NTM: variants seen among roughly 807,000 people sequenced by gnomAD.
NTM encodes neurotrimin.
Under a neutral mutation model 42.1 loss-of-function variants are expected in NTM, and 13 were observed. The observed-to-expected ratio is 0.31, with a 90% CI of 0.20 to 0.49. The LOEUF is 0.49. Ranked by LOEUF, NTM falls within the 20% of genes least tolerant of loss-of-function variation. The probability of loss-of-function intolerance (pLI) is 0.99; values close to 1 mark genes in which losing one functional copy is unlikely to be tolerated. For missense variants in NTM, 373 were observed against 452.8 expected, an observed-to-expected ratio of 0.82 and a Z score of 1.60; for synonymous variants, 187 against 179.2, an observed-to-expected ratio of 1.04 and a Z score of -0.35.
At chr11:132,314,485 C>G in intron 6 of NTM, 67 bp from the exon 7 acceptor site, 5 of 1,513,558 alleles carry the variant, frequency 3.3e-6, no homozygotes, top group South Asian at 1.4e-5. Context: ...ATCCCTGGGC[C>G]TATCTTCTTC....
At chr11:131,778,604 A>G (rs1348372432) in intron 1 of NTM, among the ~76,000 whole-genome samples, 1 of 152,204 alleles carries the variant, frequency 6.6e-6, no homozygotes, top group African/African-American at 2.4e-5. Flanking sequence ...TTTCATTTAT[A>G]AAATGAAGAA....
chr11:131,523,508 G>A (rs1031122597), intron 1 of NTM, among the ~76,000 whole-genome samples: 7 of 152,160 alleles, frequency 4.6e-5, no homozygotes. Context: ...AAAAGGAAGG[G>A]TCAGGCGCAG....
chr11:132,318,100 G>A (rs1430517099), intron 7 of NTM, among the ~76,000 whole-genome samples: 1 of 152,158 alleles, frequency 6.6e-6, no homozygotes, highest in East Asian at 1.9e-4. Context: ...CAGATATTCT[G>A]TCAAACGCAT....
intron 1 of NTM, among the ~76,000 whole-genome samples, chr11:131,874,060 T>TA (rs2048247485): frequency 9.9e-6 from 1 of 101,282 alleles, no homozygotes; most frequent in South Asian, 2.7e-4. Context: ...TATATATATA[T>TA]ATATATATCA....
At chr11:132,102,830 T>A (rs1346985990) in intron 2 of NTM, among the ~76,000 whole-genome samples, 3 of 152,148 alleles carry the variant, frequency 2.0e-5, no homozygotes, top group Non-Finnish European at 4.4e-5. Context: ...TTGCTCCCAA[T>A]CTGCAAGCTG....
intron 2 of NTM, among the ~76,000 whole-genome samples, chr11:131,957,755 C>T (rs1056196535): frequency 5.9e-5 from 9 of 152,258 alleles, no homozygotes; most frequent in Admixed American, 1.3e-4. Flanking sequence ...ATCTTATCCT[C>T]GTTTCCTGAT....
At chr11:131,749,772 C>A (rs898751223) in intron 1 of NTM, among the ~76,000 whole-genome samples, 8 of 152,002 alleles carry the variant, frequency 5.3e-5, no homozygotes, top group Admixed American at 1.3e-4. Flanking sequence ...ATAATTTTTT[C>A]TATTTTTAGT....
rs563872984 is a variant in NTM at position 132,217,289 on chromosome 11, G to A, written c.526+5142G>A. 1.3e-4 allele frequency among the ~76,000 whole-genome samples: 19 copies of A among 151,784 alleles called. No homozygotes were observed. In the South Asian group the frequency reaches 3.3e-3, roughly 27 times the overall value. ...AAAAAGGAAAAGAAAGAAATCAATC[G>A]GTAGAAAAAAGAAAAGTACTTTAAA... On this transcript the variant is annotated intron_variant, in intron 4 of 8. Transcript: ENST00000683400.
At chr11:131,942,783 T>A (rs1361980614) in intron 2 of NTM, among the ~76,000 whole-genome samples, 2 of 151,804 alleles carry the variant, frequency 1.3e-5, no homozygotes, top group South Asian at 4.2e-4. Context: ...CCATCTCTAC[T>A]AAAAACGCAA....
intron 1 of NTM, among the ~76,000 whole-genome samples, chr11:131,401,753 A>C (rs1325371864): frequency 8.0e-6 from 1 of 125,420 alleles, no homozygotes; most frequent in African/African-American, 3.0e-5. Context: ...AAACTTCTTC[A>C]TTACCCCATA....
intron 1 of NTM, among the ~76,000 whole-genome samples, chr11:131,444,203 C>CAAAAAAA (rs71475757): frequency 3.6e-4 from 18 of 49,510 alleles, no homozygotes; most frequent in East Asian, 1.7e-3. Flanking sequence ...AGGTTAGAAC[C>CAAAAAAA]AAAAAAAAAA....
chr11:132,141,254 T>C (rs2069076478), intron 2 of NTM, among the ~76,000 whole-genome samples: 1 of 151,884 alleles, frequency 6.6e-6, no homozygotes, highest in Non-Finnish European at 1.5e-5. Flanking sequence ...TCTCTCTCCC[T>C]CTCTCTCCCC....
intron 1 of NTM, among the ~76,000 whole-genome samples, chr11:131,770,222 A>G (rs147125781): frequency 2.4e-3 from 363 of 152,382 alleles, no homozygotes; most frequent in Middle Eastern, 0.014. Flanking sequence ...GTCCCCTGAC[A>G]GAGGAGACCA....
intron 1 of NTM, among the ~76,000 whole-genome samples, chr11:131,631,581 G>C (rs1314953550): frequency 6.6e-6 from 1 of 152,200 alleles, no homozygotes; most frequent in Non-Finnish European, 1.5e-5. Context: ...ATTAAGCACT[G>C]TAGTACTTCC....
At chr11:132,207,724 C>T (rs1301371598) in intron 3 of NTM, among the ~76,000 whole-genome samples, 1 of 152,156 alleles carries the variant, frequency 6.6e-6, no homozygotes, top group Non-Finnish European at 1.5e-5. Context: ...TATGTTGTCT[C>T]CTTTGCCTAG....
chr11:132,055,085 T>A (rs2135959427), intron 2 of NTM, among the ~76,000 whole-genome samples: 1 of 152,352 alleles, frequency 6.6e-6, no homozygotes, highest in Admixed American at 6.5e-5. Flanking sequence ...TACATGGCAT[T>A]GGAATGGAGT....
chr11:131,806,852 C>T (rs1233177843), intron 1 of NTM, among the ~76,000 whole-genome samples: 1 of 152,190 alleles, frequency 6.6e-6, no homozygotes, highest in African/African-American at 2.4e-5. Context: ...ATGAGCTATA[C>T]AGTCTCTGCT....
intron 1 of NTM, among the ~76,000 whole-genome samples, chr11:131,874,033 A>T (rs1156760961): frequency 2.0e-4 from 3 of 14,934 alleles, no homozygotes; most frequent in African/African-American, 1.7e-3. Context: ...ATAATATAAT[A>T]TATATATATA....
At chr11:132,127,453 G>T (rs1368523597) in intron 2 of NTM, among the ~76,000 whole-genome samples, 1 of 152,214 alleles carries the variant, frequency 6.6e-6, no homozygotes, top group Admixed American at 6.5e-5. Flanking sequence ...TCTGACGGAT[G>T]GGGAGGCCTG....
Sources: gnomAD v4.1 joint callset for allele counts (sites outside exome capture counted in the v4.1 genomes callset) on GRCh38, gnomAD v4.1.1 for gene constraint, MANE v1.5 for transcripts, NCBI Gene and HGNC (gene_info 2026-07-23, HGNC 2026-07-21) for gene names.